Variants in CSMD1 observed in about 807,000 individuals in gnomAD.
CSMD1 encodes CUB and Sushi multiple domains 1.
CSMD1 carries 213 observed loss-of-function variants against 417.5 expected under a neutral mutation model. The observed-to-expected ratio is 0.51, with a 90% CI of 0.46 to 0.57. The LOEUF (loss-of-function observed/expected upper bound fraction) is 0.57. CSMD1 is among the 20% of genes least tolerant of loss of function. CSMD1 has a pLI of 0.00. For synonymous variants in CSMD1, 2,862 were observed against 1,736.8 expected, an observed-to-expected ratio of 1.65 and a Z score of -16.11; for missense variants, 6,923 against 4,529.7, an observed-to-expected ratio of 1.53 and a Z score of -15.17.
intron 2 of CSMD1, among the ~76,000 whole-genome samples, chr8:4,443,276 C>G (rs545399447): frequency 1.2e-4 from 18 of 152,116 alleles, no homozygotes; most frequent in African/African-American, 3.6e-4. Flanking sequence ...AATCAATCTT[C>G]GCCTAAGTTT....
intron 5 of CSMD1, among the ~76,000 whole-genome samples, chr8:3,772,189 TACACACACACACACACACACACACAC>T (rs66499504): frequency 1.1e-4 from 11 of 100,860 alleles, no homozygotes; most frequent in South Asian, 7.1e-4. Context: ...TATATATATA[TACACACACACACACACACACACACAC>T]ATATAATACA....
intron 1 of CSMD1, among the ~76,000 whole-genome samples, chr8:4,784,716 G>C (rs1039989986): frequency 6.6e-6 from 1 of 152,124 alleles, no homozygotes; most frequent in African/African-American, 2.4e-5. Context: ...ATAATGTATT[G>C]GAATGTTAAT....
chr8:4,327,760 T>C (rs1483550889), intron 3 of CSMD1, among the ~76,000 whole-genome samples: 1 of 152,246 alleles, frequency 6.6e-6, no homozygotes, highest in Non-Finnish European at 1.5e-5. Context: ...TTACATACAT[T>C]ATTTTTATTT....
intron 5 of CSMD1, among the ~76,000 whole-genome samples, chr8:3,991,716 CA>C (rs1442191906): frequency 1.3e-5 from 2 of 152,124 alleles, no homozygotes; most frequent in Non-Finnish European, 2.9e-5. Flanking sequence ...ACACTGCTTC[CA>C]TCTTCCTGTT....
chr8:4,311,667 G>C (rs1044972296), intron 3 of CSMD1, among the ~76,000 whole-genome samples: 2 of 150,088 alleles, frequency 1.3e-5, no homozygotes, highest in Non-Finnish European at 2.9e-5. Flanking sequence ...AGGCTGCAGT[G>C]AGCCGAGATT....
chr8:3,192,696 G>A (rs1330299224), intron 33 of CSMD1, among the ~76,000 whole-genome samples: 1 of 152,046 alleles, frequency 6.6e-6, no homozygotes, highest in Non-Finnish European at 1.5e-5. Context: ...AAATAATTTT[G>A]TGCATGACAC....
intron 5 of CSMD1, among the ~76,000 whole-genome samples, chr8:3,785,534 A>T (rs1198661284): frequency 6.6e-6 from 1 of 152,236 alleles, no homozygotes; most frequent in African/African-American, 2.4e-5. Flanking sequence ...GTACTTCCAC[A>T]AACACAATCA....
intron 1 of CSMD1, among the ~76,000 whole-genome samples, chr8:4,942,509 T>A (rs1365816193): frequency 6.6e-6 from 1 of 152,232 alleles, no homozygotes; most frequent in Non-Finnish European, 1.5e-5. Flanking sequence ...TAAATTCATT[T>A]TTTCAAAATA....
At chr8:4,937,779 C>A (rs538047762) in intron 1 of CSMD1, among the ~76,000 whole-genome samples, 1 of 144,130 alleles carries the variant, frequency 6.9e-6, no homozygotes, top group African/African-American at 2.5e-5. Flanking sequence ...CACACAGTGG[C>A]GCGTGCACAC....
intron 47 of CSMD1, among the ~76,000 whole-genome samples, chr8:3,094,020 C>G (rs1563332256): frequency 6.6e-6 from 1 of 151,798 alleles, no homozygotes; most frequent in Non-Finnish European, 1.5e-5. Flanking sequence ...AATTAATTAA[C>G]CTGAATTTAT....
intron 3 of CSMD1, among the ~76,000 whole-genome samples, chr8:4,257,283 G>C (rs1052764062): frequency 4.6e-5 from 7 of 152,028 alleles, no homozygotes; most frequent in African/African-American, 1.5e-4. Flanking sequence ...TACCCTTTCT[G>C]TTATGGCTTA....
chr8:3,303,991 GAGGAATAGCACT>G (rs1181966039), intron 25 of CSMD1, among the ~76,000 whole-genome samples: 1 of 151,932 alleles, frequency 6.6e-6, no homozygotes, highest in African/African-American at 2.4e-5. Flanking sequence ...CTCAAACAAA[GAGGAATAGCACT>G]ATATAAGCAG....
At chr8:3,084,467 G>A (rs193160173) in intron 49 of CSMD1, among the ~76,000 whole-genome samples, 1 of 143,652 alleles carries the variant, frequency 7.0e-6, no homozygotes, top group African/African-American at 2.6e-5. Context: ...AAGTTGCCGT[G>A]AGCCGAGATC....
At chr8:4,033,324 C>A (rs1399101322) in intron 3 of CSMD1, among the ~76,000 whole-genome samples, 1 of 151,900 alleles carries the variant, frequency 6.6e-6, no homozygotes, top group Non-Finnish European at 1.5e-5. Flanking sequence ...CACCTGTAGT[C>A]CCAGCTACTT....
At chr8:3,144,252 A>C (rs1282645008) in intron 40 of CSMD1, among the ~76,000 whole-genome samples, 1 of 150,082 alleles carries the variant, frequency 6.7e-6, no homozygotes, top group Non-Finnish European at 1.5e-5. Context: ...ACTAACGGAC[A>C]AAGGCCTCAC....
chr8:3,707,061 C>T (rs951585645), intron 7 of CSMD1, among the ~76,000 whole-genome samples: 2 of 152,024 alleles, frequency 1.3e-5, no homozygotes, highest in African/African-American at 4.8e-5. Context: ...GGTAGCTCCT[C>T]TCTGCCTCTG....
At chr8:4,925,689 G>C (rs1354640116) in intron 1 of CSMD1, among the ~76,000 whole-genome samples, 4 of 152,036 alleles carry the variant, frequency 2.6e-5, no homozygotes, top group Non-Finnish European at 5.9e-5. Flanking sequence ...TGGGACTACA[G>C]GCGCCCGCCA....
At chr8:4,204,918 C>A (rs1434642547) in intron 3 of CSMD1, among the ~76,000 whole-genome samples, 3 of 152,106 alleles carry the variant, frequency 2.0e-5, no homozygotes, top group Non-Finnish European at 4.4e-5. Context: ...TCTCAGCTTC[C>A]CAAAGTGCTG....
chr8:4,967,093 G>C (rs375208405), intron 1 of CSMD1, among the ~76,000 whole-genome samples: 3 of 152,102 alleles, frequency 2.0e-5, no homozygotes, highest in African/African-American at 7.2e-5. Context: ...TGAAATGTCT[G>C]AGCAGATAAA....
Sources: allele counts gnomAD v4.1 joint callset (sites outside exome capture counted in the v4.1 genomes callset), GRCh38; gene constraint gnomAD v4.1.1; transcripts MANE v1.5; gene names NCBI Gene and HGNC (gene_info 2026-07-23, HGNC 2026-07-21).